The following PTPRN2 variants were observed in gnomAD, a reference collection of about 807,000 sequenced individuals.
PTPRN2 encodes the protein protein tyrosine phosphatase receptor type N2.
In PTPRN2, 74 loss-of-function variants were observed where a neutral mutation model predicts 118.8. That is an observed-to-expected ratio of 0.62 (90% CI 0.52 to 0.76). PTPRN2 has a LOEUF of 0.76. Among genes scored for constraint, PTPRN2 ranks in the 30% least tolerant of loss-of-function variants. The pLI is 0.00. For synonymous variants in PTPRN2, 641 were observed against 608.0 expected (o/e 1.05, Z -0.80); for missense variants, 1,481 against 1,394.4 (o/e 1.06, Z -0.99).
chr7:157,749,666 G>C (rs1206606685), intron 12 of PTPRN2, among the ~76,000 whole-genome samples: 2 of 142,460 alleles, frequency 1.4e-5, no homozygotes, highest in Non-Finnish European at 3.0e-5. Flanking sequence ...TCTGAGGCCT[G>C]CGTCCCTGAG....
chr7:157,986,423 G>A lies in PTPRN2; in HGVS notation c.1724-87686C>T, dbSNP rs1044457273. Among the ~76,000 whole-genome samples the A allele has an allele frequency of 1.3e-5, 2 of 152,148 alleles. No homozygotes were observed. Among genetic ancestry groups the A allele is most frequent in the African/African-American group, 2.4e-5 (1 of 41,440 alleles). On this transcript the variant is annotated intron_variant, in intron 11 of 22. Coordinates refer to ENST00000389418, the MANE Select transcript of PTPRN2 (RefSeq NM_002847.5). The surrounding 1 kb of genome is among the most constrained non-coding windows in gnomAD (Gnocchi z 4.5). The stretch of plus-strand genomic sequence containing the variant: ...GACGCCCAGAGAGGCAGGGCACCCC[G>A]TGTGTGGTCACCGTGGTCAGTGGCA...
intron 3 of PTPRN2, among the ~76,000 whole-genome samples, chr7:158,230,886 T>C (rs1563630600): frequency 2.0e-5 from 3 of 152,180 alleles, no homozygotes; most frequent in African/African-American, 4.8e-5. Context: ...AATGGCTGTA[T>C]GGATAAAGAA....
At chr7:158,440,450 G>A (rs544264784) in intron 2 of PTPRN2, among the ~76,000 whole-genome samples, 4 of 151,680 alleles carry the variant, frequency 2.6e-5, no homozygotes, top group African/African-American at 9.7e-5. Flanking sequence ...GATGATGGTG[G>A]TAATGGTAGT....
intron 21 of PTPRN2, among the ~76,000 whole-genome samples, chr7:157,557,346 T>A (rs527766554): frequency 6.6e-6 from 1 of 151,932 alleles, no homozygotes; most frequent in Admixed American, 6.6e-5. Context: ...CACATGCACA[T>A]CCTTTATACC....
At chr7:157,681,595 ATC>A (rs1186816105) in intron 13 of PTPRN2, among the ~76,000 whole-genome samples, 1 of 152,206 alleles carries the variant, frequency 6.6e-6, no homozygotes, top group Non-Finnish European at 1.5e-5. Context: ...CTTGTGGTCA[ATC>A]TCTTTTAAGC....
intron 13 of PTPRN2, among the ~76,000 whole-genome samples, chr7:157,668,889 G>C (rs1198403998): frequency 6.6e-6 from 1 of 151,892 alleles, no homozygotes; most frequent in African/African-American, 2.4e-5. Flanking sequence ...GGGAAAAAAA[G>C]AAAAAAAGGT....
intron 1 of PTPRN2, among the ~76,000 whole-genome samples, chr7:158,505,637 T>C (rs1221595609): frequency 6.7e-6 from 1 of 149,490 alleles, no homozygotes; most frequent in African/African-American, 2.5e-5. Context: ...AGGACTTCAT[T>C]CTGCCCTGGA....
At chr7:157,613,773 C>T (rs1802551636) in intron 15 of PTPRN2, among the ~76,000 whole-genome samples, 1 of 152,224 alleles carries the variant, frequency 6.6e-6, no homozygotes, top group Non-Finnish European at 1.5e-5. Context: ...GCCTGAACTG[C>T]CGTTTGTCGC....
intron 11 of PTPRN2, among the ~76,000 whole-genome samples, chr7:157,950,509 G>A (rs903264763): frequency 6.6e-6 from 1 of 151,976 alleles, no homozygotes; most frequent in African/African-American, 2.4e-5. Context: ...TGCTGGTCTT[G>A]TCCTGCTCTA....
intron 2 of PTPRN2, among the ~76,000 whole-genome samples, chr7:158,450,707 G>T (rs189862204): frequency 9.8e-4 from 150 of 152,314 alleles, no homozygotes; most frequent in African/African-American, 3.4e-3. Context: ...AAATTCCACT[G>T]TTCCATTGTA....
At chr7:158,257,298 G>A (rs1229671221) in intron 3 of PTPRN2, among the ~76,000 whole-genome samples, 2 of 150,854 alleles carry the variant, frequency 1.3e-5, no homozygotes, top group Non-Finnish European at 2.9e-5. Flanking sequence ...GTGTTTCTGG[G>A]GTAGGATCCT....
chr7:158,059,429 C>A (rs1167555830), intron 11 of PTPRN2, among the ~76,000 whole-genome samples: 821 of 94,428 alleles, frequency 8.7e-3, no homozygotes, highest in Non-Finnish European at 0.012. Flanking sequence ...CTCCATCTGC[C>A]CACGGTGAGA....
chr7:158,169,523 C>T (rs1267704970), intron 5 of PTPRN2, among the ~76,000 whole-genome samples: 7 of 150,112 alleles, frequency 4.7e-5, no homozygotes, highest in East Asian at 2.0e-4. Context: ...TCAAGTGATC[C>T]GCCTGCCTCA....
chr7:157,971,977 CAG>C (rs1802365609), intron 11 of PTPRN2, among the ~76,000 whole-genome samples: 1 of 152,218 alleles, frequency 6.6e-6, no homozygotes, highest in African/African-American at 2.4e-5. Flanking sequence ...ACTATGAAAG[CAG>C]AGAGTCCTAT....
chr7:157,661,574 G>A (rs13228610), intron 13 of PTPRN2, among the ~76,000 whole-genome samples: 88,944 of 151,830 alleles, frequency 0.59, 28,232 homozygotes, highest in Non-Finnish European at 0.74. Context: ...CGATAAGGCC[G>A]GGAATGGCCT....
rs77109389 is a variant in PTPRN2 at position 157,636,124 on chromosome 7, A to G, written c.2197-14615T>C. Reference sequence around the variant, plus strand: ...TCCCCTTTCATTTAAAACTCTGCTGATAAAATTCTTTGCTTGTCATTCAAA... The same window carrying G: ...TCCCCTTTCATTTAAAACTCTGCTGGTAAAATTCTTTGCTTGTCATTCAAA... On this transcript the variant is annotated intron_variant, in intron 14 of 22. Coordinates refer to ENST00000389418, the MANE Select transcript of PTPRN2 (RefSeq NM_002847.5). 3.2e-3 allele frequency among the ~76,000 whole-genome samples: 493 copies of G among 152,334 alleles called. 4 individuals carry two copies. The highest frequency in any genetic ancestry group is 5.2e-3 in the Non-Finnish European group (355 of 68,028).
intron 14 of PTPRN2, among the ~76,000 whole-genome samples, chr7:157,630,502 A>T (rs1420345744): frequency 6.6e-6 from 1 of 152,140 alleles, no homozygotes; most frequent in African/African-American, 2.4e-5. Context: ...CTCCTCTAAC[A>T]CACCGTGTGC....
intron 3 of PTPRN2, among the ~76,000 whole-genome samples, chr7:158,262,479 C>T (rs536230488): frequency 3.5e-4 from 51 of 146,650 alleles, no homozygotes; most frequent in South Asian, 1.1e-3. Context: ...CAAACATTCA[C>T]GCTGCACACA....
At chr7:157,726,984 C>T (rs902783230) in intron 12 of PTPRN2, among the ~76,000 whole-genome samples, 3 of 152,012 alleles carry the variant, frequency 2.0e-5, no homozygotes, top group Non-Finnish European at 2.9e-5. Flanking sequence ...TGACTCTTAC[C>T]GAAAAAAACA....
Sources: allele counts gnomAD v4.1 joint callset (sites outside exome capture counted in the v4.1 genomes callset), GRCh38; gene constraint gnomAD v4.1.1; non-coding constraint Gnocchi (gnomAD v3.1); transcripts MANE v1.5; gene names NCBI Gene and HGNC (gene_info 2026-07-23, HGNC 2026-07-21).